NBAS: variants seen among roughly 807,000 people sequenced by gnomAD.
NBAS encodes NAG/BC035112 fusion.
A neutral mutation model predicts 302.5 loss-of-function variants in NBAS; 219 were observed. The observed-to-expected ratio is 0.72, with a 90% CI of 0.65 to 0.81. The LOEUF (loss-of-function observed/expected upper bound fraction) is 0.81, where lower values mean the gene tolerates loss of function less well. NBAS is among the 30% of genes least tolerant of loss of function. The pLI is 0.00. For missense variants in NBAS, 2,932 were observed against 2,841.6 expected (o/e 1.03, Z -0.72); for synonymous variants, 1,118 against 1,021.6 (o/e 1.09, Z -1.80).
the NBAS span, among the ~76,000 whole-genome samples, chr2:15,066,581 T>C: frequency 4.6e-5 from 7 of 152,304 alleles, no homozygotes; most frequent in East Asian, 9.6e-4. Context: ...GACATACATG[T>C]GAACCACAAG....
At chr2:15,503,361 T>C (rs576561769) in intron 11 of NBAS, among the ~76,000 whole-genome samples, 1 of 152,242 alleles carries the variant, frequency 6.6e-6, no homozygotes, top group East Asian at 1.9e-4. Context: ...AATACAGTAT[T>C]TGAGGGATAT....
At chr2:15,473,135 T>C in intron 16 of NBAS, 87 bp downstream of exon 16, 2 of 1,445,866 alleles carry the variant, frequency 1.4e-6, no homozygotes, top group Non-Finnish European at 1.9e-6. Context: ...AAGTCAGCAA[T>C]GTAAAGTACT....
chr2:15,257,440 T>C (rs1377315203), intron 44 of NBAS, among the ~76,000 whole-genome samples: 1 of 148,870 alleles, frequency 6.7e-6, no homozygotes, highest in African/African-American at 2.5e-5. Context: ...TCACTCACCC[T>C]GGAGTGCAGT....
chr2:15,352,885 G>A (rs1236985567), intron 34 of NBAS, among the ~76,000 whole-genome samples: 2 of 152,008 alleles, frequency 1.3e-5, no homozygotes, highest in Non-Finnish European at 2.9e-5. Context: ...GGTGCTGGCT[G>A]CAACCAATTA....
rs921132883 is a variant in NBAS at position 15,553,454 on chromosome 2, C to T, written c.307G>A (p.Ala103Thr). 13 of 1,611,392 alleles carry T rather than the reference C, an allele frequency of 8.1e-6. No homozygotes were observed. Among genetic ancestry groups the T allele is most frequent in the Admixed American group, 3.3e-5 (2 of 60,000 alleles). ...VLASNGKLLA[A>T]VQDQCVEIRS... Reference sequence around the variant, plus strand: ...ATTTCCACACACTGATCTTGAACAGCAGCCAAAAGCTTTCCATTGCTTTTA... The same window carrying T: ...ATTTCCACACACTGATCTTGAACAGTAGCCAAAAGCTTTCCATTGCTTTTA... Residue 103 changes from alanine to threonine, a missense_variant, in exon 5 of 52, where the codon GCT (alanine) becomes ACT (threonine). Transcript: ENST00000281513.
At chr2:15,475,658 A>G in intron 14 of NBAS, 29 bp downstream of exon 14, 4 of 1,607,668 alleles carry the variant, frequency 2.5e-6, no homozygotes, top group Non-Finnish European at 3.4e-6. Flanking sequence ...ATACATAACT[A>G]TTCTCAAACA....
At chr2:14,992,122 A>C in the NBAS span, among the ~76,000 whole-genome samples, 1 of 152,168 alleles carries the variant, frequency 6.6e-6, no homozygotes, top group African/African-American at 2.4e-5. Flanking sequence ...TTCATGTTTC[A>C]GGAGGAGGTC....
chr2:14,866,961 CATA>C, the NBAS span, among the ~76,000 whole-genome samples: 1 of 152,152 alleles, frequency 6.6e-6, no homozygotes, highest in Non-Finnish European at 1.5e-5. Flanking sequence ...GACACTGAGT[CATA>C]ATAATAATAT....
chr2:15,031,721 G>T, the NBAS span, among the ~76,000 whole-genome samples: 1 of 152,222 alleles, frequency 6.6e-6, no homozygotes, highest in Non-Finnish European at 1.5e-5. Flanking sequence ...AATTTGAAAG[G>T]CCTGTGGCTG....
chr2:15,464,801 T>C (rs1679652386), intron 19 of NBAS, among the ~76,000 whole-genome samples: 1 of 152,172 alleles, frequency 6.6e-6, no homozygotes. Context: ...CCACAAACTA[T>C]TCTAACCATA....
chr2:15,381,997 T>C (rs997421205), intron 29 of NBAS, among the ~76,000 whole-genome samples: 1 of 152,222 alleles, frequency 6.6e-6, no homozygotes, highest in Non-Finnish European at 1.5e-5. Flanking sequence ...ATACTCTTTA[T>C]GATTTTGTGT....
chr2:15,331,866 C>A (rs559087403), intron 35 of NBAS, among the ~76,000 whole-genome samples: 2 of 152,136 alleles, frequency 1.3e-5, no homozygotes, highest in Admixed American at 1.3e-4. Context: ...ACAGTACAGA[C>A]CTCGAAGTGA....
At chr2:14,992,189 A>G in the NBAS span, among the ~76,000 whole-genome samples, 1 of 152,286 alleles carries the variant, frequency 6.6e-6, no homozygotes, top group Non-Finnish European at 1.5e-5. Flanking sequence ...TCATTATGCA[A>G]ATGGGTATTT....
chr2:15,445,000 A>G (rs1379147796), intron 21 of NBAS, among the ~76,000 whole-genome samples: 2 of 149,620 alleles, frequency 1.3e-5, no homozygotes, highest in Non-Finnish European at 3.0e-5. Context: ...AAAAGTCAGG[A>G]AACAACAGGT....
chr2:15,230,642 T>G (rs909837054), intron 47 of NBAS, among the ~76,000 whole-genome samples: 3 of 152,122 alleles, frequency 2.0e-5, no homozygotes, highest in African/African-American at 7.2e-5. Flanking sequence ...GGGACAAGAC[T>G]AAGAAGCCCC....
the NBAS span, among the ~76,000 whole-genome samples, chr2:15,159,470 G>T: frequency 6.6e-6 from 1 of 152,080 alleles, no homozygotes; most frequent in Non-Finnish European, 1.5e-5. Context: ...TTACAACATG[G>T]ACGAAACTTG....
intron 44 of NBAS, among the ~76,000 whole-genome samples, chr2:15,267,563 A>G (rs1225750384): frequency 6.6e-6 from 1 of 152,196 alleles, no homozygotes; most frequent in African/African-American, 2.4e-5. Flanking sequence ...GCTTAGGAAT[A>G]GAAGCTTCGC....
chr2:14,905,984 A>G, the NBAS span, among the ~76,000 whole-genome samples: 4 of 152,198 alleles, frequency 2.6e-5, no homozygotes, highest in Non-Finnish European at 4.4e-5. Flanking sequence ...TCTGTACAAT[A>G]TTATCAAATC....
At chr2:15,335,051 T>C (rs1179920633) in intron 35 of NBAS, among the ~76,000 whole-genome samples, 1 of 151,968 alleles carries the variant, frequency 6.6e-6, no homozygotes, top group African/African-American at 2.4e-5. Context: ...ATTTTAAGAG[T>C]AGTTAAAGAC....
Sources: allele counts gnomAD v4.1 joint callset (sites outside exome capture counted in the v4.1 genomes callset), GRCh38; gene constraint gnomAD v4.1.1; transcripts MANE v1.5; gene names NCBI Gene and HGNC (gene_info 2026-07-23, HGNC 2026-07-21).